NFE2L3: variants seen among roughly 807,000 people sequenced by gnomAD.
NFE2L3 encodes NFE2 like bZIP transcription factor 3, also known as nuclear factor erythroid 2-related factor 3.
In NFE2L3, 18 loss-of-function variants were observed where a neutral mutation model predicts 23.5. That is an observed-to-expected ratio of 0.77 (90% CI 0.53 to 1.13). The LOEUF is 1.13. Among genes scored for constraint, NFE2L3 ranks in the 50% most tolerant of loss-of-function variants. The probability of loss-of-function intolerance (pLI) is 0.00; values close to 1 mark genes in which losing one functional copy is unlikely to be tolerated. For synonymous variants in NFE2L3, 424 were observed against 354.5 expected, an observed-to-expected ratio of 1.20 and a Z score of -2.20; for missense variants, 1,152 against 877.2, an observed-to-expected ratio of 1.31 and a Z score of -3.96.
rs188906165 is a variant in NFE2L3 at position 26,173,405 on chromosome 7, T to C, written c.571-4538T>C. On this transcript the variant is annotated intron_variant, in intron 1 of 3. Coordinates refer to ENST00000056233, the MANE Select transcript of NFE2L3 (RefSeq NM_004289.7). ...TTGCATGTTTGTGTGTGTCCATGTG[T>C]GTTGTATTAATGCACATATTACAGA... 38 of 152,352 alleles carry C rather than the reference T, an allele frequency of 2.5e-4. No homozygotes were observed. The East Asian group carries it at 2.5e-3, about 10-fold the overall frequency. The allele number at this position is 152,352 out of a possible 1,614,324, so 9.4% of individuals were successfully genotyped here.
chr7:26,152,899 C>T lies in NFE2L3; in HGVS notation c.401C>T (p.Ser134Leu). The change falls in exon 1 of 4, where the codon TCG (serine) becomes TTG (leucine). Residue 134 changes from serine (S) to leucine (L), a missense_variant. By Grantham distance (145) the Ser-to-Leu change is moderately radical. Transcript: ENST00000056233. This position sits in a 1 kb window ranked among gnomAD's most constrained non-coding sequence, Gnocchi z 4.4. ...AHGLLGAAAA[S>L]STGGAGASVD... ...GGGCTGCTCGGCGCCGCCGCCGCCTCGTCCACCGGAGGAGCCGGCGCCAGC... is the reference window on the plus strand; with the variant it reads ...GGGCTGCTCGGCGCCGCCGCCGCCTTGTCCACCGGAGGAGCCGGCGCCAGC... 1.4e-6 allele frequency: 2 copies of T among 1,449,222 alleles called. No individual in the cohort carries two copies. The highest frequency in any genetic ancestry group is 1.8e-6 in the Non-Finnish European group (2 of 1,111,696). The allele number at this position is 1,449,222 out of a possible 1,614,324, so 89.8% of individuals were successfully genotyped here.
In NFE2L3 at chr7:26,183,742, C is replaced by T; in HGVS notation, c.792C>T (p.Asp264=). 1 of 1,612,872 alleles carries T rather than the reference C, an allele frequency of 6.2e-7. No individual in the cohort carries two copies. Among genetic ancestry groups the T allele is most frequent in the Non-Finnish European group, 8.5e-7 (1 of 1,178,788 alleles). The part of the protein sequence containing the change: ...NGTDTSFSLE[D]LFQLLSSQPE... ...CAGATACTTCTTTCTCTCTGGAAGA[C>T]TTATTCCAGTTGCTTTCATCACAGC... Residue 264 remains aspartate, a synonymous_variant, in exon 3 of 4, where the codon GAC becomes GAT. Coordinates refer to ENST00000056233, the MANE Select transcript of NFE2L3 (RefSeq NM_004289.7).
intron 1 of NFE2L3, among the ~76,000 whole-genome samples, chr7:26,171,859 A>C (rs1784332124): frequency 6.6e-6 from 1 of 152,218 alleles, no homozygotes; most frequent in South Asian, 2.1e-4. Flanking sequence ...TACAAAAAAA[A>C]CAAAAATAGA....
chr7:26,181,525 C>CACT (rs1173815706), intron 2 of NFE2L3, among the ~76,000 whole-genome samples: 2 of 152,232 alleles, frequency 1.3e-5, no homozygotes, highest in Non-Finnish European at 2.9e-5. Flanking sequence ...TCTGAATGCA[C>CACT]ACTACCATCA....
intron 1 of NFE2L3, among the ~76,000 whole-genome samples, chr7:26,167,936 ATTATTT>A (rs1366074910): frequency 6.6e-6 from 1 of 152,122 alleles, no homozygotes; most frequent in African/African-American, 2.4e-5. Context: ...TAATTTTTTA[ATTATTT>A]TTAATTTTTT....
rs147322248 is a variant in NFE2L3, at chr7:26,186,149, G to A, written c.*366G>A. On this transcript the variant is annotated 3_prime_UTR_variant, in exon 4 of 4. Transcript: ENST00000056233. Reference sequence around the variant, plus strand: ...ACTGGGGATCAAATTATTTTAAGAGGTATTTCAGTTTTAAATGCAAAATAG... The same window carrying A: ...ACTGGGGATCAAATTATTTTAAGAGATATTTCAGTTTTAAATGCAAAATAG... The A allele has an allele frequency of 2.7e-4, 46 of 169,154 alleles. 1 individual carries two copies. The East Asian group carries it at 7.2e-3, about 27-fold the overall frequency. 10.5% of individuals were successfully genotyped at this position (169,154 alleles called of 1,614,324 possible). A position where few individuals can be genotyped will look rare whatever the true frequency, so the allele number is the denominator to read the frequency against.
intron 1 of NFE2L3, among the ~76,000 whole-genome samples, chr7:26,156,956 C>G (rs1227522257): frequency 1.3e-5 from 2 of 152,012 alleles, no homozygotes; most frequent in South Asian, 2.1e-4. Flanking sequence ...ACTAAAAATA[C>G]TAAAAATTAG....
In NFE2L3 at chr7:26,184,814, G is replaced by A; in HGVS notation, c.1116G>A (p.Met372Ile). 13 of 1,613,954 alleles carry A rather than the reference G, an allele frequency of 8.1e-6. No individual in the cohort carries two copies. The highest frequency in any genetic ancestry group is 1.1e-5 in the Non-Finnish European group (13 of 1,179,852). ...TTCTTTCACCGGTTGACAATCATAT[G>A]AGGAATCTAACAAGCCAAGACCTAC... ...TGFLSPVDNHMRNLTSQDLLY... is the reference protein window; with the variant it reads ...TGFLSPVDNHIRNLTSQDLLY... The change falls in exon 4 of 4, where the codon ATG becomes ATA. Residue 372 changes from methionine to isoleucine, a missense_variant. Transcript: ENST00000056233.
Position 26,186,385 on chromosome 7 carries a change from T to C in NFE2L3, c.*602T>C, listed in dbSNP as rs1001213648. The C allele has an allele frequency of 2.6e-5, 4 of 152,164 alleles. No individual in the cohort carries two copies. The highest frequency in any genetic ancestry group is 9.7e-5 in the African/African-American group (4 of 41,416). The allele number at this position is 152,164 out of a possible 1,614,324, so 9.4% of individuals were successfully genotyped here. The stretch of plus-strand genomic sequence containing the variant: ...TTCAGGAATATAGGTGAATAACAAA[T>C]AAGGCAGCATAGCAAACTGCTCAGA... On this transcript the variant is annotated 3_prime_UTR_variant, in exon 4 of 4. Coordinates refer to ENST00000056233, the MANE Select transcript of NFE2L3 (RefSeq NM_004289.7).
At chr7:26,175,110 G>A (rs2128099121) in intron 1 of NFE2L3, among the ~76,000 whole-genome samples, 1 of 151,962 alleles carries the variant, frequency 6.6e-6, no homozygotes. Flanking sequence ...ACTTTGGGAG[G>A]CTGAGGCGGA....
chr7:26,175,848 CTT>C (rs1784394624), intron 1 of NFE2L3, among the ~76,000 whole-genome samples: 3 of 117,184 alleles, frequency 2.6e-5, no homozygotes, highest in Middle Eastern at 4.7e-3. Flanking sequence ...GATCAATTTT[CTT>C]TTCTTTTTTT....
At position 26,185,556 on chromosome 7, in the gene NFE2L3, CTT is replaced by C. The variant is rs765701056; in HGVS notation, c.1859_1860del (p.Leu620GlnfsTer8). 12 of 1,613,682 alleles carry C rather than the reference CTT, an allele frequency of 7.4e-6. No individual in the cohort carries two copies. The highest frequency in any genetic ancestry group is 1.6e-4 in the Middle Eastern group (1 of 6,078). On this transcript the variant is annotated frameshift_variant, in exon 4 of 4. Transcript: ENST00000056233. LOFTEE classifies it low-confidence loss of function (END_TRUNC). Reference sequence around the variant, plus strand: ...TAACTTGCAAGCAAAGAAGGAAACTCTTAAGAGAGAGCAAGCACAATGTAACA... The same window carrying C: ...TAACTTGCAAGCAAAGAAGGAAACTCAAGAGAGAGCAAGCACAATGTAACA... ...VCNLQAKKETLKREQAQCNKA... is the reference protein window; with the variant it reads ...VCNLQAKKETXKREQAQCNKA...
intron 1 of NFE2L3, among the ~76,000 whole-genome samples, chr7:26,171,950 A>G (rs751645158): frequency 7.9e-5 from 12 of 152,268 alleles, no homozygotes; most frequent in South Asian, 4.1e-4. Flanking sequence ...TTGATACTCA[A>G]TTTAAAATGA....
intron 1 of NFE2L3, among the ~76,000 whole-genome samples, chr7:26,154,524 A>G (rs1784051994): frequency 6.6e-6 from 1 of 152,094 alleles, no homozygotes; most frequent in African/African-American, 2.4e-5. Flanking sequence ...CACCTGGGAG[A>G]CAAAGTGGCC....
chr7:26,180,487 C>T (rs1784487989), intron 2 of NFE2L3, among the ~76,000 whole-genome samples: 1 of 152,198 alleles, frequency 6.6e-6, no homozygotes, highest in Non-Finnish European at 1.5e-5. Context: ...AATCATTACC[C>T]ATGGACTTTT....
chr7:26,162,152 A>G (rs1784181877), intron 1 of NFE2L3, among the ~76,000 whole-genome samples: 1 of 152,008 alleles, frequency 6.6e-6, no homozygotes, highest in Non-Finnish European at 1.5e-5. Flanking sequence ...CAAAAAAAAA[A>G]AAAAAAATTC....
At chr7:26,176,844 C>T (rs1185957255) in intron 1 of NFE2L3, among the ~76,000 whole-genome samples, 1 of 125,472 alleles carries the variant, frequency 8.0e-6, no homozygotes, top group Non-Finnish European at 1.7e-5. Flanking sequence ...ACTTCCCAGA[C>T]GATGGGTGGC....
intron 1 of NFE2L3, among the ~76,000 whole-genome samples, chr7:26,168,610 T>C (rs978150918): frequency 6.6e-6 from 1 of 150,758 alleles, no homozygotes; most frequent in Non-Finnish European, 1.5e-5. Context: ...AATTTCTTTA[T>C]CCACTCATTG....
intron 2 of NFE2L3, among the ~76,000 whole-genome samples, chr7:26,182,858 G>A (rs1160219227): frequency 6.6e-6 from 1 of 152,278 alleles, no homozygotes; most frequent in South Asian, 2.1e-4. Flanking sequence ...TGGCAGCGCT[G>A]TCACGACTCA....
Sources: allele counts gnomAD v4.1 joint callset (sites outside exome capture counted in the v4.1 genomes callset), GRCh38; gene constraint gnomAD v4.1.1; non-coding constraint Gnocchi (gnomAD v3.1); transcripts MANE v1.5; gene names NCBI Gene and HGNC (gene_info 2026-07-23, HGNC 2026-07-21).